The following LRRC7 variants were observed in gnomAD, a reference collection of about 807,000 sequenced individuals.
LRRC7 encodes the protein leucine-rich repeat-containing protein 7.
A neutral mutation model predicts 175.7 loss-of-function variants in LRRC7; 23 were observed. The ratio of observed to expected loss-of-function variants is 0.13; its 90% CI spans 0.09 to 0.19. The LOEUF (loss-of-function observed/expected upper bound fraction) is 0.19, where lower values mean the gene tolerates loss of function less well. Ranked by LOEUF, LRRC7 falls within the 10% of genes least tolerant of loss-of-function variation. The pLI, the probability that LRRC7 is intolerant of heterozygous loss-of-function variation, is 1.00. For synonymous variants in LRRC7, 685 were observed against 680.9 expected (o/e 1.01, Z -0.09); for missense variants, 1,354 against 1,904.7 (o/e 0.71, Z 5.38).
intron 7 of LRRC7, among the ~76,000 whole-genome samples, chr1:69,840,436 A>C (rs1289447501): frequency 6.6e-6 from 1 of 152,204 alleles, no homozygotes; most frequent in South Asian, 2.1e-4. Flanking sequence ...TATTCTGAGA[A>C]GAGATAACTC....
chr1:69,638,604 A>G (rs1399787935), intron 1 of LRRC7, among the ~76,000 whole-genome samples: 1 of 151,670 alleles, frequency 6.6e-6, no homozygotes, highest in Non-Finnish European at 1.5e-5. Flanking sequence ...AGCCAAGAGC[A>G]CTCACCCCTA....
At chr1:69,682,583 A>G (rs949722458) in intron 2 of LRRC7, among the ~76,000 whole-genome samples, 1 of 152,136 alleles carries the variant, frequency 6.6e-6, no homozygotes. Context: ...AACCCAATTG[A>G]TGTTATATCA....
In LRRC7 at chr1:70,135,099, C is replaced by T. The variant is rs1433558864; in HGVS notation, c.*13212C>T. Among the ~76,000 whole-genome samples, 3 of 152,082 alleles carry T rather than the reference C, an allele frequency of 2.0e-5. No individual in the cohort carries two copies. Among genetic ancestry groups the T allele is most frequent in the African/African-American group, 4.8e-5 (2 of 41,408 alleles). ...AGTTTGTATGTATGTATTCCAGTTGCGCTTTTTATTTCTTTTTTCCTTTCT... is the reference window on the plus strand; with the variant it reads ...AGTTTGTATGTATGTATTCCAGTTGTGCTTTTTATTTCTTTTTTCCTTTCT... On this transcript the variant is annotated 3_prime_UTR_variant, in exon 27 of 27. Transcript: ENST00000651989.
At chr1:69,718,144 G>GAAAGAAAGAAAGAAAT (rs1323162292) in intron 2 of LRRC7, among the ~76,000 whole-genome samples, 8 of 96,436 alleles carry the variant, frequency 8.3e-5, no homozygotes, top group Non-Finnish European at 1.7e-4. Flanking sequence ...GAAAGAGAGA[G>GAAAGAAAGAAAGAAAT]AAAGAAAGAA....
At chr1:69,773,222 T>C (rs923838124) in intron 3 of LRRC7, among the ~76,000 whole-genome samples, 1 of 152,194 alleles carries the variant, frequency 6.6e-6, no homozygotes, top group Non-Finnish European at 1.5e-5. Context: ...GGAATAATTA[T>C]AGGACCAAAG....
At chr1:69,761,464 T>C (rs1278651786) in intron 3 of LRRC7, among the ~76,000 whole-genome samples, 17 of 152,074 alleles carry the variant, frequency 1.1e-4, no homozygotes, top group Non-Finnish European at 5.9e-5. Flanking sequence ...GAATTATAAA[T>C]TGTGCTGTTT....
At chr1:70,077,365 A>G (rs1055624512) in intron 24 of LRRC7, among the ~76,000 whole-genome samples, 1 of 152,192 alleles carries the variant, frequency 6.6e-6, no homozygotes, top group African/African-American at 2.4e-5. Context: ...TTAAGGTATC[A>G]TAAACCAGAC....
chr1:69,808,688 G>A (rs765868776), intron 4 of LRRC7, among the ~76,000 whole-genome samples: 4 of 152,030 alleles, frequency 2.6e-5, no homozygotes, highest in Non-Finnish European at 5.9e-5. Flanking sequence ...CATTAATGCA[G>A]AAATAAATAA....
At chr1:70,114,560 CAT>C (rs1488419672) in intron 26 of LRRC7, among the ~76,000 whole-genome samples, 3 of 152,208 alleles carry the variant, frequency 2.0e-5, no homozygotes, top group East Asian at 3.9e-4. Context: ...TGATGGCACA[CAT>C]GTGTAATTCC....
chr1:69,982,400 C>T (rs1490784841), intron 9 of LRRC7, among the ~76,000 whole-genome samples: 1 of 152,192 alleles, frequency 6.6e-6, no homozygotes, highest in Admixed American at 6.5e-5. Flanking sequence ...CCCCAAAATA[C>T]TTGGCTTTGA....
rs555674822 is a variant in LRRC7 at position 69,785,725 on chromosome 1, G to A, written c.304-6318G>A. Among the ~76,000 whole-genome samples, 7 of 151,812 alleles carry A rather than the reference G, an allele frequency of 4.6e-5. No homozygotes were observed. In the South Asian group the frequency reaches 1.5e-3, roughly 32 times the overall value. ...TAACTTAACTTGAATATTTAACTTTGATCTAAAGTTAATCAGTATCTTTGC... is the reference window on the plus strand; with the variant it reads ...TAACTTAACTTGAATATTTAACTTTAATCTAAAGTTAATCAGTATCTTTGC... On this transcript the variant is annotated intron_variant, in intron 3 of 26. Transcript: ENST00000651989.
intron 7 of LRRC7, among the ~76,000 whole-genome samples, chr1:69,903,910 T>G (rs1646215408): frequency 6.6e-6 from 1 of 152,104 alleles, no homozygotes; most frequent in Admixed American, 6.5e-5. Flanking sequence ...TTAGAAGAAA[T>G]GGATAAATTC....
intron 24 of LRRC7, among the ~76,000 whole-genome samples, chr1:70,082,917 C>G (rs539786426): frequency 6.6e-6 from 1 of 150,946 alleles, no homozygotes; most frequent in East Asian, 2.0e-4. Context: ...TCCCGAGTAG[C>G]TGGGATTACA....
chr1:69,885,307 C>T (rs1375352231), intron 7 of LRRC7, among the ~76,000 whole-genome samples: 101 of 144,762 alleles, frequency 7.0e-4, no homozygotes, highest in African/African-American at 2.5e-3. Context: ...TGTTATTGGT[C>T]TATTCAGAGA....
intron 23 of LRRC7, among the ~76,000 whole-genome samples, chr1:70,074,331 C>T (rs1662616893): frequency 6.6e-6 from 1 of 151,998 alleles, no homozygotes; most frequent in Admixed American, 6.5e-5. Context: ...TATTCCATGG[C>T]AGCAAGCAAG....
At chr1:69,723,195 T>C (rs1666564751) in intron 2 of LRRC7, among the ~76,000 whole-genome samples, 1 of 152,176 alleles carries the variant, frequency 6.6e-6, no homozygotes, top group Admixed American at 6.6e-5. Flanking sequence ...TATTTAATTA[T>C]TTTTATTTTG....
intron 23 of LRRC7, among the ~76,000 whole-genome samples, chr1:70,072,173 C>A (rs948184188): frequency 9.9e-5 from 15 of 152,178 alleles, no homozygotes; most frequent in African/African-American, 3.1e-4. Flanking sequence ...ACCAACCTCC[C>A]CTTGAAAGTT....
intron 17 of LRRC7, among the ~76,000 whole-genome samples, chr1:70,024,853 A>C (rs763001600): frequency 6.6e-6 from 1 of 152,170 alleles, no homozygotes; most frequent in Non-Finnish European, 1.5e-5. Context: ...GCTTGCATAG[A>C]ACTTCCAAAC....
chr1:69,814,426 A>G (rs1234673711), intron 4 of LRRC7, among the ~76,000 whole-genome samples: 50 of 152,184 alleles, frequency 3.3e-4, no homozygotes, highest in Admixed American at 3.3e-3. Flanking sequence ...TATTCATACT[A>G]TAATTTTATC....
Sources: gnomAD v4.1 joint callset for allele counts (sites outside exome capture counted in the v4.1 genomes callset) on GRCh38, gnomAD v4.1.1 for gene constraint, MANE v1.5 for transcripts, NCBI Gene and HGNC (gene_info 2026-07-23, HGNC 2026-07-21) for gene names.